Variants in TBCD observed in about 807,000 individuals in gnomAD.
TBCD encodes tubulin-specific chaperone D.
In TBCD, 105 loss-of-function variants were observed where a neutral mutation model predicts 169.3. That is an observed-to-expected ratio of 0.62 (90% CI 0.53 to 0.73). The LOEUF is 0.73. Among genes scored for constraint, TBCD ranks in the 30% least tolerant of loss-of-function variants. TBCD has a pLI of 0.00. For missense variants in TBCD, 1,444 were observed against 1,600.1 expected, an observed-to-expected ratio of 0.90 and a Z score of 1.66; for synonymous variants, 700 against 643.9, an observed-to-expected ratio of 1.09 and a Z score of -1.32.
At chr17:82,853,158 CATCCTTG>C (rs141266280) in intron 13 of TBCD, among the ~76,000 whole-genome samples, 1,542 of 146,348 alleles carry the variant, frequency 0.011, 31 homozygotes, top group African/African-American at 0.036. Context: ...TAGCTCACTG[CATCCTTG>C]ACCTCTTGGG....
intron 13 of TBCD, among the ~76,000 whole-genome samples, chr17:82,850,083 C>T (rs1337257271): frequency 1.7e-5 from 1 of 57,948 alleles, no homozygotes; most frequent in Non-Finnish European, 3.0e-5. Flanking sequence ...CTGTGCTGTG[C>T]TGCTGTTGGC....
At chr17:82,878,148 A>G (rs1313168645) in intron 14 of TBCD, among the ~76,000 whole-genome samples, 1 of 152,236 alleles carries the variant, frequency 6.6e-6, no homozygotes, top group Non-Finnish European at 1.5e-5. Flanking sequence ...AAAGGCCACT[A>G]ACAGGCTGGT....
intron 15 of TBCD, among the ~76,000 whole-genome samples, chr17:82,888,435 A>G: frequency 6.6e-6 from 1 of 152,238 alleles, no homozygotes; most frequent in East Asian, 1.9e-4. Context: ...TGTCTTCCTA[A>G]TAGTGTATGT....
Position 82,769,217 on chromosome 17 carries a change from G to A in TBCD, c.582+651G>A, listed in dbSNP as rs11657878. ...CATGGGCAGGCTTTGCCCCAAGGCC[G>A]TTGGATTGAGGCCACCCTCAGTTCT... On this transcript the variant is annotated intron_variant, in intron 5 of 38. Coordinates refer to ENST00000355528, the MANE Select transcript of TBCD (RefSeq NM_005993.5). 4.1e-3 allele frequency among the ~76,000 whole-genome samples: 630 copies of A among 152,344 alleles called. 4 individuals are homozygous for A. The highest frequency in any genetic ancestry group is 0.014 in the Middle Eastern group (4 of 294).
rs71168154 is a variant in TBCD at position 82,786,821 on chromosome 17, CTTTT to C, written c.771+5116_771+5119del. Among the ~76,000 whole-genome samples the C allele has an allele frequency of 2.9e-3, 316 of 110,146 alleles. 2 individuals carry two copies. The highest frequency in any genetic ancestry group is 9.3e-3 in the African/African-American group (281 of 30,076). The allele number at this position is 110,146 out of a possible 152,430, so 72.3% of individuals were successfully genotyped here. ...TCTTTGTTGTGGGTTCGGTTCTTTA[CTTTT>C]TTTTTTTTTTTTTTTGATGATCTTG... On this transcript the variant is annotated intron_variant, in intron 7 of 38. Coordinates refer to ENST00000355528, the MANE Select transcript of TBCD (RefSeq NM_005993.5).
rs546899871 is a variant in TBCD, at chr17:82,797,305, C to T, written c.772-452C>T. Among the ~76,000 whole-genome samples the T allele has an allele frequency of 3.3e-5, 5 of 152,310 alleles. No individual in the cohort carries two copies. In the East Asian group the frequency reaches 5.8e-4, roughly 18 times the overall value. On this transcript the variant is annotated intron_variant, in intron 7 of 38. Transcript: ENST00000355528. Reference sequence around the variant, plus strand: ...GACACGGGCTGAGCTGGTCACCCTTCTCATTTGTTGGTGAAGCATGAATGC... The same window carrying T: ...GACACGGGCTGAGCTGGTCACCCTTTTCATTTGTTGGTGAAGCATGAATGC...
chr17:82,929,737 C>T (rs2062046376), intron 32 of TBCD: 4 of 635,676 alleles, frequency 6.3e-6, no homozygotes, highest in Non-Finnish European at 1.1e-5. Context: ...CACTCTCTTC[C>T]TGCGGCCGCA....
intron 13 of TBCD, among the ~76,000 whole-genome samples, chr17:82,862,301 G>A (rs902266839): frequency 2.6e-5 from 4 of 152,006 alleles, no homozygotes; most frequent in African/African-American, 9.7e-5. Context: ...TTATGCAGGG[G>A]GGCTGCATAA....
chr17:82,763,499 G>A (rs898888172), intron 2 of TBCD, among the ~76,000 whole-genome samples: 2 of 152,124 alleles, frequency 1.3e-5, no homozygotes, highest in Non-Finnish European at 2.9e-5. Context: ...CCATCACTTT[G>A]GGAGGCCGAG....
At chr17:82,762,476 C>T (rs377351629) in intron 2 of TBCD, among the ~76,000 whole-genome samples, 5 of 152,016 alleles carry the variant, frequency 3.3e-5, no homozygotes, top group East Asian at 3.9e-4. Context: ...TGGCCAGGCG[C>T]GGTGGCTCCT....
In TBCD at chr17:82,870,474, C is replaced by T. The variant is rs925825271; in HGVS notation, c.1475+94C>T. 30 of 1,445,234 alleles carry T rather than the reference C, an allele frequency of 2.1e-5. No individual in the cohort carries two copies. In the East Asian group the frequency reaches 3.7e-4, roughly 18 times the overall value. The allele number at this position is 1,445,234 out of a possible 1,614,324, so 89.5% of individuals were successfully genotyped here. A position where few individuals can be genotyped will look rare whatever the true frequency, so the allele number is the denominator to read the frequency against. On this transcript the variant is annotated intron_variant, in intron 14 of 38. Transcript: ENST00000355528. ...ATGAGAGGTGTGCACAGCAGATGCT[C>T]GTGAAAAGGTGAAATTACTTGGCCA... is the stretch of plus-strand genomic sequence containing the variant.
Position 82,920,951 on chromosome 17 carries a change from A to G in TBCD, c.2101+333A>G. ...GCCACCCAGGCCCTCGTGGACCAGG[A>G]GCGTGCCGGCCGCCGACACCACGGA... On this transcript the variant is annotated intron_variant, in intron 24 of 38. Transcript: ENST00000355528. The surrounding 1 kb of genome is among the most constrained non-coding windows in gnomAD (Gnocchi z 4.1). 1 of 340,666 alleles carries G rather than the reference A, an allele frequency of 2.9e-6. No individual in the cohort carries two copies. The highest frequency in any genetic ancestry group is 3.3e-5 in the South Asian group (1 of 30,480). 21.1% of individuals were successfully genotyped at this position (340,666 alleles called of 1,614,324 possible).
intron 29 of TBCD, 58 bp downstream of exon 29, chr17:82,927,381 A>G: frequency 6.4e-7 from 1 of 1,567,060 alleles, no homozygotes. Context: ...TTCCGTGGAA[A>G]CTCGGAGGCC....
At chr17:82,909,773 G>A (rs534000163) in intron 22 of TBCD, among the ~76,000 whole-genome samples, 23 of 152,314 alleles carry the variant, frequency 1.5e-4, no homozygotes, top group African/African-American at 5.5e-4. Context: ...AGGTGTCATC[G>A]CGTTTCCTCG....
chr17:82,915,202 G>T lies in TBCD; in HGVS notation c.2038+3413G>T, dbSNP rs529306507. On this transcript the variant is annotated intron_variant, in intron 23 of 38. Transcript: ENST00000355528. This position sits in a 1 kb window ranked among gnomAD's most constrained non-coding sequence, Gnocchi z 4.3. ...GGATGGCGCCCTTACCCCCGAGGAC[G>T]CCGGCATGTCGGTGACATGCCGCCC... Among the ~76,000 whole-genome samples, 7 of 152,112 alleles carry T rather than the reference G, an allele frequency of 4.6e-5. No individual in the cohort carries two copies. The highest frequency in any genetic ancestry group is 7.4e-5 in the Non-Finnish European group (5 of 68,020).
chr17:82,938,294 C>T (rs976004307), intron 36 of TBCD, among the ~76,000 whole-genome samples, 158 bp downstream of exon 36: 4 of 152,234 alleles, frequency 2.6e-5, no homozygotes, highest in African/African-American at 7.2e-5. Context: ...ACGCGGCTGC[C>T]AAGGGGCTCT....
rs200055334 is a variant in TBCD, at chr17:82,932,768, A to G, written c.3191+33A>G. The G allele has an allele frequency of 2.0e-5, 32 of 1,605,812 alleles. No homozygotes were observed. In the Admixed American group the frequency reaches 4.2e-4, roughly 21 times the overall value. On this transcript the variant is annotated intron_variant, in intron 34 of 38. Coordinates refer to ENST00000355528, the MANE Select transcript of TBCD (RefSeq NM_005993.5). ...TCTGCTTTTCATGACTTCCTTTCCG[A>G]TTAAGCCTAAGTAGCTCATGTATTA...
intron 31 of TBCD, 45 bp from the exon 32 acceptor site, chr17:82,929,317 C>T (rs749815506): frequency 1.9e-6 from 3 of 1,610,288 alleles, no homozygotes; most frequent in Middle Eastern, 1.7e-4. Context: ...GCAGCCATGG[C>T]GAGATCATTG....
In TBCD at chr17:82,926,299, A is replaced by G; in HGVS notation, c.2380-101A>G. The G allele has an allele frequency of 9.2e-6, 10 of 1,090,790 alleles. 1 individual carries two copies. 67.6% of individuals were successfully genotyped at this position (1,090,790 alleles called of 1,614,324 possible). On this transcript the variant is annotated intron_variant, in intron 27 of 38. Coordinates refer to ENST00000355528, the MANE Select transcript of TBCD (RefSeq NM_005993.5). The stretch of plus-strand genomic sequence containing the variant: ...GGTGGTGCCAGGAGCTGCCTATCTC[A>G]TGGTGTGGGGTCTGTGGCTCCGGGC...
Sources: allele counts gnomAD v4.1 joint callset (sites outside exome capture counted in the v4.1 genomes callset), GRCh38; gene constraint gnomAD v4.1.1; non-coding constraint Gnocchi (gnomAD v3.1); transcripts MANE v1.5; gene names NCBI Gene and HGNC (gene_info 2026-07-23, HGNC 2026-07-21).